Variants in MSI2 observed in about 807,000 individuals in gnomAD.
MSI2 encodes musashi RNA binding protein 2.
Under a neutral mutation model 45.6 loss-of-function variants are expected in MSI2, and 17 were observed. That is an observed-to-expected ratio of 0.37 (90% CI 0.26 to 0.56). The LOEUF is 0.56. Ranked by LOEUF, MSI2 falls within the 20% of genes least tolerant of loss-of-function variation. The pLI is 0.77. For synonymous variants in MSI2, 156 were observed against 158.2 expected (o/e 0.99, Z 0.11); for missense variants, 293 against 444.2 (o/e 0.66, Z 3.06).
At chr17:57,480,350 A>C (rs1230444682) in intron 6 of MSI2, among the ~76,000 whole-genome samples, 2 of 152,240 alleles carry the variant, frequency 1.3e-5, no homozygotes, top group East Asian at 3.8e-4. Flanking sequence ...GGCATGTTAG[A>C]TATCAATGTA....
chr17:57,700,530 T>G, the MSI2 span, among the ~76,000 whole-genome samples: 1 of 152,198 alleles, frequency 6.6e-6, no homozygotes, highest in Non-Finnish European at 1.5e-5. Context: ...TGTGTGTCAG[T>G]GGGCATGTGG....
intron 10 of MSI2, chr17:57,629,884 CT>C (rs1276452760): frequency 1.3e-5 from 2 of 152,494 alleles, no homozygotes; most frequent in African/African-American, 2.4e-5. Context: ...GCCATTGCCC[CT>C]GAGTGTGATG....
At chr17:57,338,624 C>T (rs1419660760) in intron 5 of MSI2, among the ~76,000 whole-genome samples, 3 of 152,154 alleles carry the variant, frequency 2.0e-5, no homozygotes, top group East Asian at 1.9e-4. Flanking sequence ...CCTGGAGGAG[C>T]GGGCTGGTGT....
chr17:57,473,298 C>G (rs1200111324), intron 6 of MSI2, among the ~76,000 whole-genome samples: 1 of 152,196 alleles, frequency 6.6e-6, no homozygotes, highest in East Asian at 1.9e-4. Context: ...GTCTGTAATG[C>G]ATAATATATA....
chr17:57,418,559 T>C (rs1324042813), intron 6 of MSI2, among the ~76,000 whole-genome samples: 1 of 152,242 alleles, frequency 6.6e-6, no homozygotes, highest in Non-Finnish European at 1.5e-5. Context: ...TGCTTTTTTC[T>C]TGGGCTGTGG....
rs371352062 is a variant in MSI2 at position 57,376,973 on chromosome 17, G to T, written c.313-24406G>T. On this transcript the variant is annotated intron_variant, in intron 5 of 13. Coordinates refer to ENST00000284073, the MANE Select transcript of MSI2 (RefSeq NM_138962.4). ...TCTCGCTCTGTCCCCCAGGCTGGAG[G>T]GCAGTGGCGCGATCTCGGCTCACTG... Among the ~76,000 whole-genome samples, 398 of 151,056 alleles carry T rather than the reference G, an allele frequency of 2.6e-3. 1 individual carries two copies. The highest frequency in any genetic ancestry group is 2.9e-3 in the African/African-American group (121 of 41,098).
chr17:57,671,791 GC>G (rs1387645989), intron 11 of MSI2, among the ~76,000 whole-genome samples: 2 of 152,256 alleles, frequency 1.3e-5, no homozygotes, highest in Non-Finnish European at 2.9e-5. Context: ...AAGTTTATGT[GC>G]CGAGTGGCAG....
At chr17:57,283,486 T>C (rs1909603631) in intron 5 of MSI2, among the ~76,000 whole-genome samples, 1 of 152,164 alleles carries the variant, frequency 6.6e-6, no homozygotes, top group Admixed American at 6.5e-5. Context: ...TAGATGTGTT[T>C]GAGATGGATG....
chr17:57,257,898 C>T (rs77067320), intron 3 of MSI2, among the ~76,000 whole-genome samples: 1 of 151,888 alleles, frequency 6.6e-6, no homozygotes, highest in Non-Finnish European at 1.5e-5. Flanking sequence ...TCCCCAAACT[C>T]TTAAGATCCC....
In MSI2 at chr17:57,621,963, C is replaced by T. The variant is rs555403800; in HGVS notation, c.653-5266C>T. Among the ~76,000 whole-genome samples, 10 of 152,244 alleles carry T rather than the reference C, an allele frequency of 6.6e-5. No homozygotes were observed. In the South Asian group the frequency reaches 1.2e-3, roughly 19 times the overall value. On this transcript the variant is annotated intron_variant, in intron 9 of 13. Coordinates refer to ENST00000284073, the MANE Select transcript of MSI2 (RefSeq NM_138962.4). Reference sequence around the variant, plus strand: ...GCTCATGCCTCTACTCCCAGGAGGCCGAGGCGGGCAGATCACCTGAGGTCA... The same window carrying T: ...GCTCATGCCTCTACTCCCAGGAGGCTGAGGCGGGCAGATCACCTGAGGTCA...
At chr17:57,592,974 G>A (rs903607696) in intron 7 of MSI2, among the ~76,000 whole-genome samples, 1 of 152,172 alleles carries the variant, frequency 6.6e-6, no homozygotes, top group Non-Finnish European at 1.5e-5. Flanking sequence ...GGCCTGCCAT[G>A]GTGACTTGAC....
intron 8 of MSI2, among the ~76,000 whole-genome samples, chr17:57,605,909 G>A (rs1035902125): frequency 2.0e-5 from 3 of 152,378 alleles, no homozygotes; most frequent in East Asian, 1.9e-4. Flanking sequence ...GCCTTGTGGC[G>A]GAACCTGAGC....
intron 6 of MSI2, among the ~76,000 whole-genome samples, chr17:57,455,583 C>A (rs1332200653): frequency 1.3e-5 from 2 of 152,156 alleles, no homozygotes; most frequent in Admixed American, 6.5e-5. Context: ...CCTCATGCCC[C>A]CTGAGTGGAG....
chr17:57,311,332 G>T (rs1279684461), intron 5 of MSI2, among the ~76,000 whole-genome samples: 2 of 152,246 alleles, frequency 1.3e-5, no homozygotes, highest in Non-Finnish European at 2.9e-5. Context: ...TTCTTTGCCA[G>T]AAGCAGGGTT....
rs574410476 is a variant in MSI2, at chr17:57,641,978, G to A, written c.728-10121G>A. 5.3e-5 allele frequency among the ~76,000 whole-genome samples: 8 copies of A among 152,332 alleles called. 1 individual carries two copies. Among genetic ancestry groups the A allele is most frequent in the East Asian group, 1.9e-4 (1 of 5,174 alleles). On this transcript the variant is annotated intron_variant, in intron 10 of 13. Transcript: ENST00000284073. ...TGTCCTTGTAGGGCTGGGGGCCAGCGTCGGAGCCCTTGTAATGTGTCAGCC... is the reference window on the plus strand; with the variant it reads ...TGTCCTTGTAGGGCTGGGGGCCAGCATCGGAGCCCTTGTAATGTGTCAGCC...
In MSI2 at chr17:57,683,007, C is replaced by T; in HGVS notation, c.*3490C>T. On this transcript the variant is annotated 3_prime_UTR_variant, in exon 14 of 14. Coordinates refer to ENST00000284073, the MANE Select transcript of MSI2 (RefSeq NM_138962.4). The surrounding 1 kb of genome is among the most constrained non-coding windows in gnomAD (Gnocchi z 5.2). The stretch of plus-strand genomic sequence containing the variant: ...CCTTATATCCACTGGGAACAAACAG[C>T]CTCGCGCTCTATACCAAACAGCCTC... The T allele has an allele frequency of 4.4e-6, 1 of 229,720 alleles. No individual in the cohort carries two copies. Among genetic ancestry groups the T allele is most frequent in the Non-Finnish European group, 8.6e-6 (1 of 115,880 alleles). 14.2% of individuals were successfully genotyped at this position (229,720 alleles called of 1,614,324 possible). A position where few individuals can be genotyped will look rare whatever the true frequency, so the allele number is the denominator to read the frequency against.
At chr17:57,685,502 A>G (rs1019176433), downstream of MSI2, 2 of 152,226 alleles carry the variant, frequency 1.3e-5, no homozygotes, top group Admixed American at 1.3e-4. Context: ...TGTCTCCTGC[A>G]TATAACAAGT....
chr17:57,325,005 T>C (rs1227181419), intron 5 of MSI2, among the ~76,000 whole-genome samples: 1 of 152,166 alleles, frequency 6.6e-6, no homozygotes, highest in African/African-American at 2.4e-5. Context: ...ATTTGGTACA[T>C]CAGAAAGTGG....
At chr17:57,613,537 G>C (rs1043652246) in intron 8 of MSI2, among the ~76,000 whole-genome samples, 1 of 152,080 alleles carries the variant, frequency 6.6e-6, no homozygotes, top group African/African-American at 2.4e-5. Flanking sequence ...CTAGAGGTAA[G>C]ATTACTAGGT....
Sources: gnomAD v4.1 joint callset for allele counts (sites outside exome capture counted in the v4.1 genomes callset) on GRCh38, gnomAD v4.1.1 for gene constraint, Gnocchi (gnomAD v3.1) non-coding constraint, MANE v1.5 for transcripts, NCBI Gene and HGNC (gene_info 2026-07-23, HGNC 2026-07-21) for gene names.